The following DYNC1I1 variants were observed in gnomAD, a reference collection of about 807,000 sequenced individuals.
DYNC1I1 encodes dynein cytoplasmic 1 intermediate chain 1, also known as cytoplasmic dynein 1 intermediate chain 1.
Under a neutral mutation model 86.6 loss-of-function variants are expected in DYNC1I1, and 43 were observed. The observed-to-expected ratio is 0.50, with a 90% CI of 0.39 to 0.64. DYNC1I1 has a LOEUF of 0.64. Among genes scored for constraint, DYNC1I1 ranks in the 30% least tolerant of loss-of-function variants. The pLI is 0.00. For synonymous variants in DYNC1I1, 262 were observed against 283.7 expected (o/e 0.92, Z 0.77); for missense variants, 604 against 788.8 (o/e 0.77, Z 2.81).
intron 5 of DYNC1I1, among the ~76,000 whole-genome samples, chr7:95,842,852 C>A (rs1352641679): frequency 6.6e-6 from 1 of 151,536 alleles, no homozygotes; most frequent in Non-Finnish European, 1.5e-5. Flanking sequence ...AGTACTCCTG[C>A]ATGTTTGGTA....
At chr7:95,820,376 T>C (rs554208277) in intron 4 of DYNC1I1, among the ~76,000 whole-genome samples, 126 of 152,350 alleles carry the variant, frequency 8.3e-4, no homozygotes, top group African/African-American at 3.0e-3. Flanking sequence ...TATTATTTCA[T>C]GTATTACTTT....
chr7:95,921,981 T>C (rs1791621945), intron 6 of DYNC1I1, among the ~76,000 whole-genome samples: 1 of 152,190 alleles, frequency 6.6e-6, no homozygotes. Context: ...AGAATTTAAA[T>C]TGTTAACTAG....
At chr7:96,050,565 A>G (rs1036682891) in intron 14 of DYNC1I1, among the ~76,000 whole-genome samples, 1 of 152,164 alleles carries the variant, frequency 6.6e-6, no homozygotes, top group African/African-American at 2.4e-5. Flanking sequence ...GACAAACATG[A>G]TATTACATAT....
At chr7:95,813,127 C>G in intron 3 of DYNC1I1, 120 bp from the exon 4 acceptor site, 1 of 1,371,600 alleles carries the variant, frequency 7.3e-7, no homozygotes, top group Non-Finnish European at 9.9e-7. Context: ...ATCTCAATGT[C>G]TCCTGGCCAT....
At chr7:96,031,341 G>T (rs915158557) in intron 11 of DYNC1I1, among the ~76,000 whole-genome samples, 1 of 152,146 alleles carries the variant, frequency 6.6e-6, no homozygotes, top group Non-Finnish European at 1.5e-5. Context: ...AAAAGATTTG[G>T]CAGGGAGAGG....
intron 6 of DYNC1I1, among the ~76,000 whole-genome samples, chr7:95,949,621 C>T (rs1792498420): frequency 6.6e-6 from 1 of 152,190 alleles, no homozygotes; most frequent in Non-Finnish European, 1.5e-5. Flanking sequence ...GTGACATATT[C>T]ACTAGCCTGA....
chr7:96,044,360 T>C (rs1004573876), intron 14 of DYNC1I1, among the ~76,000 whole-genome samples: 2 of 152,218 alleles, frequency 1.3e-5, no homozygotes, highest in Non-Finnish European at 2.9e-5. Context: ...GCAAAAGCAG[T>C]GTCTTTGGAG....
intron 12 of DYNC1I1, 108 bp from the exon 13 acceptor site, chr7:96,035,511 C>T (rs923499061): frequency 2.1e-5 from 29 of 1,409,098 alleles, no homozygotes; most frequent in South Asian, 4.9e-5. Flanking sequence ...TCTTTTGTAA[C>T]GCTGTGTGAA....
At chr7:96,075,614 G>T (rs1487036797) in intron 14 of DYNC1I1, among the ~76,000 whole-genome samples, 1 of 152,218 alleles carries the variant, frequency 6.6e-6, no homozygotes, top group African/African-American at 2.4e-5. Flanking sequence ...ACCACGAGGT[G>T]GCAGGGGTTG....
intron 6 of DYNC1I1, among the ~76,000 whole-genome samples, chr7:95,923,696 T>A (rs931481880): frequency 2.0e-5 from 3 of 152,182 alleles, no homozygotes; most frequent in African/African-American, 7.2e-5. Context: ...AACAATGGTA[T>A]GTTGATTGGA....
At chr7:96,084,017 T>C (rs1386535685) in intron 16 of DYNC1I1, among the ~76,000 whole-genome samples, 2 of 152,178 alleles carry the variant, frequency 1.3e-5, no homozygotes, top group Non-Finnish European at 2.9e-5. Context: ...AGACATCTCA[T>C]ATTCATTCTC....
At chr7:96,067,126 G>A (rs749290631) in intron 14 of DYNC1I1, among the ~76,000 whole-genome samples, 6 of 151,886 alleles carry the variant, frequency 4.0e-5, no homozygotes, top group Non-Finnish European at 7.4e-5. Context: ...GAAAAAACAT[G>A]TCATAAAAAT....
intron 9 of DYNC1I1, among the ~76,000 whole-genome samples, chr7:95,993,781 A>C (rs1793789641): frequency 6.6e-6 from 1 of 152,222 alleles, no homozygotes; most frequent in African/African-American, 2.4e-5. Flanking sequence ...TAATAGAAAA[A>C]AAAGATCTGT....
chr7:96,095,242 A>G (rs1174915892), intron 16 of DYNC1I1, among the ~76,000 whole-genome samples: 2 of 152,118 alleles, frequency 1.3e-5, no homozygotes, highest in Admixed American at 6.6e-5. Flanking sequence ...TCTGTTCTAA[A>G]CTGTGTGTAG....
At chr7:96,084,442 C>CTTTTTTTTTTTTTTTTTTT (rs11369815) in intron 16 of DYNC1I1, among the ~76,000 whole-genome samples, 2 of 124,742 alleles carry the variant, frequency 1.6e-5, no homozygotes, top group Admixed American at 8.8e-5. Context: ...TTTTTCTTTT[C>CTTTTTTTTTTTTTTTTTTT]TTTTTTTTTT....
chr7:96,076,019 C>T (rs1445353741), intron 14 of DYNC1I1, 38 bp from the exon 15 acceptor site: 2 of 1,598,970 alleles, frequency 1.3e-6, no homozygotes, highest in African/African-American at 1.3e-5. Flanking sequence ...GAGGCAGCAG[C>T]AGCGCCACAA....
intron 6 of DYNC1I1, among the ~76,000 whole-genome samples, chr7:95,903,675 C>T (rs1209262360): frequency 6.6e-6 from 1 of 152,166 alleles, no homozygotes; most frequent in Admixed American, 6.5e-5. Context: ...ATTTTCCAGG[C>T]CTTGCTAAGT....
chr7:95,801,421 G>T (rs1198669974), intron 1 of DYNC1I1, among the ~76,000 whole-genome samples: 2 of 152,128 alleles, frequency 1.3e-5, no homozygotes, highest in Non-Finnish European at 2.9e-5. Flanking sequence ...TTCTTTGCAA[G>T]AAAATCATAA....
At chr7:95,818,629 A>G (rs1584250736) in intron 4 of DYNC1I1, 1 of 537,130 alleles carries the variant, frequency 1.9e-6, no homozygotes, top group South Asian at 2.9e-5. Context: ...TACAGGCAGG[A>G]CCCATTGTGC....
Sources: gnomAD v4.1 joint callset for allele counts (sites outside exome capture counted in the v4.1 genomes callset) on GRCh38, gnomAD v4.1.1 for gene constraint, MANE v1.5 for transcripts, NCBI Gene and HGNC (gene_info 2026-07-23, HGNC 2026-07-21) for gene names.